Variants in LRRC37A2 observed in about 807,000 individuals in gnomAD.
LRRC37A2 encodes leucine-rich repeat-containing protein 37A2.
LRRC37A2 carries 9 observed loss-of-function variants against 68.8 expected under a neutral mutation model. That is an observed-to-expected ratio of 0.13 (90% CI 0.08 to 0.23). The LOEUF (loss-of-function observed/expected upper bound fraction) is 0.23. LRRC37A2 is among the 10% of genes least tolerant of loss of function. The pLI, the probability that LRRC37A2 is intolerant of heterozygous loss-of-function variation, is 1.00. For synonymous variants in LRRC37A2, 63 were observed against 367.6 expected, an observed-to-expected ratio of 0.17 and a Z score of 9.48; for missense variants, 168 against 950.4, an observed-to-expected ratio of 0.18 and a Z score of 10.82.
chr17:46,776,247 C>T, the LRRC37A2 span, among the ~76,000 whole-genome samples: 5 of 152,340 alleles, frequency 3.3e-5, no homozygotes, highest in South Asian at 1.0e-3. Flanking sequence ...CCATCTGCAC[C>T]CTGGGCCTCC....
intron 6 of LRRC37A2, among the ~76,000 whole-genome samples, chr17:46,526,584 T>G (rs62073314): frequency 0.28 from 28,497 of 101,528 alleles, 9,935 homozygotes; most frequent in Non-Finnish European, 0.42. Flanking sequence ...GTTCCAATAG[T>G]TACAACCCAG....
the LRRC37A2 span, among the ~76,000 whole-genome samples, chr17:46,659,683 C>T: frequency 7.0e-6 from 1 of 142,258 alleles, no homozygotes; most frequent in Non-Finnish European, 1.5e-5. Context: ...TACAGAAATG[C>T]ATATAGCTCT....
At chr17:46,929,406 G>A in the LRRC37A2 span, 1 of 724,610 alleles carries the variant, frequency 1.4e-6, no homozygotes, top group African/African-American at 1.7e-5. Flanking sequence ...TTACAGTTCA[G>A]TGATGCTGTC....
At chr17:46,963,234 A>T in the LRRC37A2 span, among the ~76,000 whole-genome samples, 1 of 152,208 alleles carries the variant, frequency 6.6e-6, no homozygotes, top group Non-Finnish European at 1.5e-5. Context: ...TGGATTCTAT[A>T]AAGATGATCA....
chr17:46,921,831 C>A, the LRRC37A2 span, among the ~76,000 whole-genome samples: 1 of 152,182 alleles, frequency 6.6e-6, no homozygotes, highest in African/African-American at 2.4e-5. Flanking sequence ...AGTCAGGAAA[C>A]AACAGCTGCT....
the LRRC37A2 span, among the ~76,000 whole-genome samples, chr17:46,765,535 G>A: frequency 6.6e-6 from 1 of 152,232 alleles, no homozygotes; most frequent in African/African-American, 2.4e-5. Context: ...CCTGCTCTGC[G>A]ACTCCCTTCT....
At chr17:46,735,384 G>A in the LRRC37A2 span, among the ~76,000 whole-genome samples, 5 of 151,496 alleles carry the variant, frequency 3.3e-5, no homozygotes, top group South Asian at 2.1e-4. Context: ...GGATTATAAC[G>A]TCGTAGTAGT....
the LRRC37A2 span, among the ~76,000 whole-genome samples, chr17:46,490,075 C>G: frequency 6.6e-6 from 1 of 150,916 alleles, no homozygotes; most frequent in Non-Finnish European, 1.5e-5. Flanking sequence ...GTGTGGACCT[C>G]AGTTTACTCA....
the LRRC37A2 span, chr17:46,693,070 T>C: frequency 4.4e-6 from 7 of 1,608,202 alleles, no homozygotes; most frequent in Non-Finnish European, 5.9e-6. Flanking sequence ...TAGTCATTGG[T>C]ATGTTTACTT....
chr17:46,708,804 T>TTTTATA, the LRRC37A2 span, among the ~76,000 whole-genome samples: 15 of 64,372 alleles, frequency 2.3e-4, no homozygotes, highest in Non-Finnish European at 3.3e-4. Flanking sequence ...ACCATTTATT[T>TTTTATA]TATATATATA....
the LRRC37A2 span, among the ~76,000 whole-genome samples, chr17:46,862,309 C>T: frequency 6.6e-6 from 1 of 152,062 alleles, no homozygotes; most frequent in Admixed American, 6.6e-5. Flanking sequence ...CCATGGCTAA[C>T]AGCACCTCTA....
chr17:46,988,790 A>G, the LRRC37A2 span, among the ~76,000 whole-genome samples: 171 of 152,342 alleles, frequency 1.1e-3, 1 homozygote, highest in South Asian at 3.1e-3. Flanking sequence ...AGAAGTCATC[A>G]GCTTGTTCAC....
At chr17:46,799,812 T>G in the LRRC37A2 span, among the ~76,000 whole-genome samples, 1 of 152,166 alleles carries the variant, frequency 6.6e-6, no homozygotes, top group Non-Finnish European at 1.5e-5. Context: ...TTATTCCCAT[T>G]ATACAGAGGA....
At chr17:46,999,998 CAAAAT>C in the LRRC37A2 span, among the ~76,000 whole-genome samples, 618 of 48,348 alleles carry the variant, frequency 0.013, 10 homozygotes, top group African/African-American at 0.026. Context: ...GACTCCATCT[CAAAAT>C]AAAATAAAAT....
At chr17:46,734,549 G>A in the LRRC37A2 span, among the ~76,000 whole-genome samples, 2 of 152,004 alleles carry the variant, frequency 1.3e-5, no homozygotes, top group African/African-American at 2.4e-5. Flanking sequence ...ATGTGTGTGT[G>A]TATATATACA....
chr17:46,553,226 G>A (rs2056982146), intron 11 of LRRC37A2, 174 bp from the exon 11 acceptor site: 1 of 837,956 alleles, frequency 1.2e-6, no homozygotes, highest in South Asian at 5.8e-5. Context: ...AGATAGCAAG[G>A]ATGACTGAAC....
the LRRC37A2 span, among the ~76,000 whole-genome samples, chr17:46,810,931 C>T: frequency 6.6e-6 from 1 of 152,128 alleles, no homozygotes; most frequent in East Asian, 1.9e-4. Context: ...TGGCCCCTCT[C>T]GCCCCAGAGC....
the LRRC37A2 span, among the ~76,000 whole-genome samples, chr17:46,974,375 C>T: frequency 9.2e-5 from 14 of 152,344 alleles, no homozygotes; most frequent in East Asian, 2.7e-3. Flanking sequence ...ATCTTAATTT[C>T]CTCTCCTATA....
the LRRC37A2 span, among the ~76,000 whole-genome samples, chr17:46,981,314 AG>A: frequency 6.6e-6 from 1 of 151,996 alleles, no homozygotes; most frequent in African/African-American, 2.4e-5. Flanking sequence ...AGGTGTTGGG[AG>A]GTGGGGTGAG....
Sources: gnomAD v4.1 joint callset for allele counts (sites outside exome capture counted in the v4.1 genomes callset) on GRCh38, gnomAD v4.1.1 for gene constraint, MANE v1.5 for transcripts, NCBI Gene and HGNC (gene_info 2026-07-23, HGNC 2026-07-21) for gene names.